The following ZPBP variants were observed in gnomAD, a reference collection of about 807,000 sequenced individuals.
The protein encoded by ZPBP is zona pellucida-binding protein 1.
In ZPBP, 26 loss-of-function variants were observed where a neutral mutation model predicts 44.8. That is an observed-to-expected ratio of 0.58 (90% CI 0.43 to 0.81). The LOEUF (loss-of-function observed/expected upper bound fraction) is 0.81. Among genes scored for constraint, ZPBP ranks in the 30% least tolerant of loss-of-function variants. The pLI is 0.00. For synonymous variants in ZPBP, 174 were observed against 153.2 expected (o/e 1.14, Z -1.00); for missense variants, 409 against 434.0 (o/e 0.94, Z 0.51).
downstream of ZPBP, among the ~76,000 whole-genome samples, chr7:49,936,335 A>G (rs183322054): frequency 1.3e-5 from 2 of 152,320 alleles, no homozygotes; most frequent in East Asian, 3.9e-4. Flanking sequence ...GCTAATAACA[A>G]AGTAGAGCCA....
Position 49,921,841 on chromosome 7 carries a change from C to A in ZPBP, n.411+13910G>T, listed in dbSNP as rs1036813356. 3 of 151,656 alleles carry A rather than the reference C, an allele frequency of 2.0e-5. 1 individual carries two copies. In the South Asian group the frequency reaches 6.2e-4, roughly 32 times the overall value. The allele number at this position is 151,656 out of a possible 1,614,324, so 9.4% of individuals were successfully genotyped here. On this transcript the variant is annotated intron_variant and non_coding_transcript_variant, in intron 1 of 2. Transcript: ENST00000465922. ...TTTACCAGAAAAATGTTTTGTAATA[C>A]CTTAATTTTATGTGGAGTTGAATTT... is the stretch of plus-strand genomic sequence containing the variant.
chr7:49,873,475 G>T (rs1339008340), intron 2 of ZPBP, among the ~76,000 whole-genome samples: 14 of 152,160 alleles, frequency 9.2e-5, no homozygotes, highest in Non-Finnish European at 1.6e-4. Flanking sequence ...CACCTAGGGG[G>T]TTAACATTTC....
chr7:49,989,199 G>A (rs541755917), intron 6 of ZPBP, among the ~76,000 whole-genome samples: 150 of 152,286 alleles, frequency 9.8e-4, no homozygotes, highest in African/African-American at 3.5e-3. Context: ...AATCAAGCTC[G>A]ACTTGCAGAT....
At chr7:50,035,583 C>T (rs1046144740) in intron 4 of ZPBP, among the ~76,000 whole-genome samples, 2 of 152,194 alleles carry the variant, frequency 1.3e-5, no homozygotes, top group South Asian at 2.1e-4. Flanking sequence ...TTGACAAGTG[C>T]ACAAAAACAG....
At chr7:50,079,432 T>C (rs1802258500) in intron 3 of ZPBP, among the ~76,000 whole-genome samples, 1 of 151,506 alleles carries the variant, frequency 6.6e-6, no homozygotes. Context: ...CTGTGCTAAG[T>C]AAAATAAGGC....
At chr7:49,937,050 G>A (rs1794642886), downstream of ZPBP, among the ~76,000 whole-genome samples, 1 of 152,068 alleles carries the variant, frequency 6.6e-6, no homozygotes, top group Admixed American at 6.6e-5. Context: ...ATATTAAAGA[G>A]GCTAAAAATT....
At chr7:49,908,387 G>A (rs1467896277) in intron 1 of ZPBP, among the ~76,000 whole-genome samples, 1 of 152,096 alleles carries the variant, frequency 6.6e-6, no homozygotes, top group African/African-American at 2.4e-5. Flanking sequence ...TTGGTTTACA[G>A]GTCTTAGTGT....
downstream of ZPBP, among the ~76,000 whole-genome samples, chr7:49,849,221 T>C (rs376369309): frequency 2.6e-5 from 4 of 152,328 alleles, no homozygotes; most frequent in African/African-American, 9.6e-5. Context: ...ACAGTCACCA[T>C]CTCTTTATCA....
At chr7:49,975,449 C>A (rs1796469291) in intron 7 of ZPBP, among the ~76,000 whole-genome samples, 1 of 152,048 alleles carries the variant, frequency 6.6e-6, no homozygotes, top group Non-Finnish European at 1.5e-5. Context: ...GCCTGGCTAC[C>A]CAGTGGGAAT....
intron 1 of ZPBP, chr7:49,914,840 C>T (rs1793632560): frequency 6.6e-6 from 1 of 151,966 alleles, no homozygotes; most frequent in Non-Finnish European, 1.5e-5. Context: ...GGAGATAGCA[C>T]AGAAAAGGGG....
At chr7:50,047,622 G>C in intron 4 of ZPBP, among the ~76,000 whole-genome samples, 1 of 146,680 alleles carries the variant, frequency 6.8e-6, no homozygotes, top group East Asian at 2.0e-4. Context: ...TAGGGACTGA[G>C]TATAGCACTC....
intron 2 of ZPBP, among the ~76,000 whole-genome samples, chr7:49,877,517 T>G (rs1412607117): frequency 9.9e-6 from 1 of 101,062 alleles, no homozygotes; most frequent in African/African-American, 3.6e-5. Flanking sequence ...TATATATATA[T>G]AGTTATTTGG....
intron 2 of ZPBP, among the ~76,000 whole-genome samples, chr7:49,854,511 C>G (rs1790333717): frequency 6.6e-6 from 1 of 152,152 alleles, no homozygotes; most frequent in Non-Finnish European, 1.5e-5. Flanking sequence ...TAAATGTCTT[C>G]TTTTGAGAAG....
intron 6 of ZPBP, among the ~76,000 whole-genome samples, chr7:50,014,465 C>CT (rs11378550): frequency 0.25 from 32,467 of 132,284 alleles, 4,801 homozygotes; most frequent in Non-Finnish European, 0.33. Flanking sequence ...CTTTCTTTTT[C>CT]TTTTTTTTTT....
intron 7 of ZPBP, among the ~76,000 whole-genome samples, chr7:49,976,046 CTATTACAATCTAA>C (rs1400374534): frequency 6.6e-6 from 1 of 152,120 alleles, no homozygotes; most frequent in East Asian, 1.9e-4. Context: ...TCTTAATCTA[CTATTACAATCTAA>C]TACAAATCAT....
intron 2 of ZPBP, among the ~76,000 whole-genome samples, chr7:49,851,140 C>T (rs1234528771): frequency 6.6e-6 from 1 of 152,186 alleles, no homozygotes; most frequent in Admixed American, 6.5e-5. Flanking sequence ...CCCTGGGCTT[C>T]CTGGGTTTTA....
chr7:50,081,768 T>C lies in ZPBP; in HGVS notation c.334+6A>G, dbSNP rs1167180081. ...TTTAATTACAATAATTGAAACAAAA[T>C]CCTACCTGAAACAACTTTTCCTTTA... On this transcript the variant is annotated splice_donor_region_variant and intron_variant, in intron 3 of 7. Coordinates refer to ENST00000046087, the MANE Select transcript of ZPBP (RefSeq NM_007009.3). The C allele has an allele frequency of 6.2e-6, 10 of 1,610,538 alleles. No homozygotes were observed. The highest frequency in any genetic ancestry group is 8.5e-6 in the Non-Finnish European group (10 of 1,177,808).
intron 4 of ZPBP, among the ~76,000 whole-genome samples, chr7:50,053,113 GATC>G (rs1800770597): frequency 6.6e-6 from 1 of 151,950 alleles, no homozygotes; most frequent in Non-Finnish European, 1.5e-5. Context: ...ATATGAATAA[GATC>G]ATATTTTACA....
rs189578716 is a variant in ZPBP at position 50,034,998 on chromosome 7, G to A, written c.488-3688C>T. Among the ~76,000 whole-genome samples the A allele has an allele frequency of 3.9e-5, 6 of 152,348 alleles. No individual in the cohort carries two copies. In the East Asian group the frequency reaches 1.2e-3, roughly 29 times the overall value. On this transcript the variant is annotated intron_variant, in intron 4 of 7. Transcript: ENST00000046087. ...CTGCCTTAGCCTCTATTTGCCCGAT[G>A]GCAGGACACCAATCCTTCCTTACTG...
Sources: gnomAD v4.1 joint callset for allele counts (sites outside exome capture counted in the v4.1 genomes callset) on GRCh38, gnomAD v4.1.1 for gene constraint, MANE v1.5 for transcripts, NCBI Gene and HGNC (gene_info 2026-07-23, HGNC 2026-07-21) for gene names.